Variants in GABRA4 observed in about 807,000 individuals in gnomAD.
GABRA4 encodes the protein gamma-aminobutyric acid receptor subunit alpha-4.
Under a neutral mutation model 49.7 loss-of-function variants are expected in GABRA4, and 12 were observed. That is an observed-to-expected ratio of 0.24 (90% CI 0.15 to 0.39). The LOEUF (loss-of-function observed/expected upper bound fraction) is 0.39. GABRA4 is among the 10% of genes least tolerant of loss of function. The pLI is 1.00. For missense variants in GABRA4, 506 were observed against 686.0 expected (o/e 0.74, Z 2.93); for synonymous variants, 288 against 240.2 (o/e 1.20, Z -1.84).
chr4:46,970,209 T>C (rs1470250842), intron 7 of GABRA4, among the ~76,000 whole-genome samples: 2 of 151,440 alleles, frequency 1.3e-5, no homozygotes, highest in African/African-American at 4.8e-5. Context: ...TCAGCTATTG[T>C]GTGATAAAGG....
chr4:46,964,669 G>T (rs1020798520), intron 8 of GABRA4, among the ~76,000 whole-genome samples: 3 of 151,612 alleles, frequency 2.0e-5, no homozygotes, highest in Admixed American at 6.6e-5. Context: ...ATGTCCACAG[G>T]TTCCTCCTAA....
chr4:46,963,060 T>C (rs1722635044), intron 8 of GABRA4, among the ~76,000 whole-genome samples: 1 of 151,754 alleles, frequency 6.6e-6, no homozygotes, highest in Non-Finnish European at 1.5e-5. Flanking sequence ...AGTAATACCT[T>C]AGAAGCATGG....
chr4:46,959,723 A>G (rs1383133557), intron 8 of GABRA4, among the ~76,000 whole-genome samples: 1 of 145,602 alleles, frequency 6.9e-6, no homozygotes, highest in Admixed American at 7.2e-5. Flanking sequence ...AGAATATTCC[A>G]TGATAGCACT....
intron 2 of GABRA4, among the ~76,000 whole-genome samples, chr4:46,992,028 G>T (rs375434381): frequency 6.6e-6 from 1 of 152,188 alleles, no homozygotes; most frequent in Admixed American, 6.5e-5. Flanking sequence ...ATTTGTCCTC[G>T]TTGAACTGGA....
intron 7 of GABRA4, among the ~76,000 whole-genome samples, chr4:46,969,676 T>G (rs1238202923): frequency 6.6e-6 from 1 of 151,546 alleles, no homozygotes; most frequent in Non-Finnish European, 1.5e-5. Context: ...GAACGATACA[T>G]AACTTTTTAA....
intron 8 of GABRA4, among the ~76,000 whole-genome samples, chr4:46,962,833 G>T (rs1436426723): frequency 6.6e-6 from 1 of 151,702 alleles, no homozygotes; most frequent in Non-Finnish European, 1.5e-5. Flanking sequence ...TTTCAACACA[G>T]GTGCCAAGAA....
intron 8 of GABRA4, among the ~76,000 whole-genome samples, chr4:46,937,512 T>C (rs1352785200): frequency 6.6e-6 from 1 of 152,212 alleles, no homozygotes; most frequent in Non-Finnish European, 1.5e-5. Flanking sequence ...GTCTCTTCTG[T>C]TGTGCCTTCT....
intron 8 of GABRA4, among the ~76,000 whole-genome samples, chr4:46,941,017 A>C (rs1423854404): frequency 1.3e-5 from 2 of 152,100 alleles, no homozygotes; most frequent in Non-Finnish European, 2.9e-5. Context: ...CCAATTTTGC[A>C]CTTCAGTAAA....
At chr4:46,992,571 C>G (rs1723794933) in intron 2 of GABRA4, 1 of 492,434 alleles carries the variant, frequency 2.0e-6, no homozygotes, top group Admixed American at 3.3e-5. Context: ...TCTCCAACCT[C>G]CCCCACCCAG....
intron 8 of GABRA4, among the ~76,000 whole-genome samples, chr4:46,930,805 C>T (rs1721401329): frequency 6.6e-6 from 1 of 151,310 alleles, no homozygotes; most frequent in Admixed American, 6.6e-5. Flanking sequence ...ACTTTCCTGC[C>T]TAAAATGACC....
chr4:46,959,834 A>T (rs112877219), intron 8 of GABRA4, among the ~76,000 whole-genome samples: 1 of 140,280 alleles, frequency 7.1e-6, no homozygotes, highest in Non-Finnish European at 1.5e-5. Context: ...ATATATATAT[A>T]TGTGTGTGTG....
At position 46,920,732 on chromosome 4, in the gene GABRA4, TAG is replaced by T. The variant is rs1454351180; in HGVS notation, c.*7491_*7492del. 6.6e-6 allele frequency: 1 copy of T among 151,712 alleles called. No individual in the cohort carries two copies. 9.4% of individuals were successfully genotyped at this position (151,712 alleles called of 1,614,324 possible). A position where few individuals can be genotyped will look rare whatever the true frequency, so the allele number is the denominator to read the frequency against. On this transcript the variant is annotated 3_prime_UTR_variant, in exon 9 of 9. Transcript: ENST00000264318. ...AAATTAGGTTATATCTTATAGCAAC[TAG>T]ATTTGCATGGGATAAGTAAAAGTAA...
chr4:46,934,665 C>T (rs765949532), intron 8 of GABRA4, among the ~76,000 whole-genome samples: 6 of 152,068 alleles, frequency 3.9e-5, no homozygotes, highest in Non-Finnish European at 7.4e-5. Flanking sequence ...TTAAAGAATC[C>T]ATTCATTTTC....
intron 8 of GABRA4, among the ~76,000 whole-genome samples, chr4:46,933,002 G>A (rs1721494143): frequency 6.6e-6 from 1 of 152,078 alleles, no homozygotes; most frequent in African/African-American, 2.4e-5. Context: ...AATATGCCTA[G>A]AGAAAGAGGA....
chr4:46,992,378 T>C (rs987202425), intron 2 of GABRA4, among the ~76,000 whole-genome samples: 4 of 152,224 alleles, frequency 2.6e-5, no homozygotes, highest in Non-Finnish European at 4.4e-5. Flanking sequence ...CCCAGATTTA[T>C]GTCCCAGGTA....
rs1721199544 is a variant in GABRA4, at chr4:46,925,732, T to C, written c.*2493A>G. ...AAACAACATATTATTATTATTATTA[T>C]TATTATTATTATTATTATTATTATT... On this transcript the variant is annotated 3_prime_UTR_variant, in exon 9 of 9. Coordinates refer to ENST00000264318, the MANE Select transcript of GABRA4 (RefSeq NM_000809.4). 9.2e-6 allele frequency: 1 copy of C among 108,692 alleles called. No individual in the cohort carries two copies. Among genetic ancestry groups the C allele is most frequent in the Admixed American group, 9.9e-5 (1 of 10,148 alleles). The allele number at this position is 108,692 out of a possible 1,614,324, so 6.7% of individuals were successfully genotyped here.
intron 8 of GABRA4, among the ~76,000 whole-genome samples, chr4:46,936,193 TG>T (rs1363457111): frequency 6.6e-6 from 1 of 152,200 alleles, no homozygotes; most frequent in Non-Finnish European, 1.5e-5. Flanking sequence ...AAAAAAGATG[TG>T]GGTTATATAA....
intron 8 of GABRA4, among the ~76,000 whole-genome samples, chr4:46,950,741 A>AATTAATTAATT (rs376120511): frequency 0.035 from 5,183 of 148,136 alleles, 126 homozygotes; most frequent in South Asian, 0.081. Flanking sequence ...ATAAATAAAT[A>AATTAATTAATT]AATAAATTAC....
intron 2 of GABRA4, among the ~76,000 whole-genome samples, chr4:46,985,402 T>C (rs1254470423): frequency 6.6e-6 from 1 of 152,008 alleles, no homozygotes; most frequent in African/African-American, 2.4e-5. Context: ...ATGTTTATTA[T>C]ATTTTAATAA....
Sources: allele counts gnomAD v4.1 joint callset (sites outside exome capture counted in the v4.1 genomes callset), GRCh38; gene constraint gnomAD v4.1.1; transcripts MANE v1.5; gene names NCBI Gene and HGNC (gene_info 2026-07-23, HGNC 2026-07-21).